The following ANO3 variants were observed in gnomAD, a reference collection of about 807,000 sequenced individuals.
ANO3 encodes anoctamin 3.
ANO3 carries 99 observed loss-of-function variants against 144.8 expected under a neutral mutation model. The ratio of observed to expected loss-of-function variants is 0.68; its 90% CI spans 0.58 to 0.81. The LOEUF (loss-of-function observed/expected upper bound fraction) is 0.81, where lower values mean the gene tolerates loss of function less well. ANO3 is among the 30% of genes least tolerant of loss of function. The pLI is 0.00. For synonymous variants in ANO3, 414 were observed against 392.6 expected, an observed-to-expected ratio of 1.05 and a Z score of -0.64; for missense variants, 905 against 1,202.2, an observed-to-expected ratio of 0.75 and a Z score of 3.66.
intron 7 of ANO3, among the ~76,000 whole-genome samples, chr11:26,527,148 T>C (rs1849183699): frequency 6.6e-6 from 1 of 152,126 alleles, no homozygotes; most frequent in Non-Finnish European, 1.5e-5. Flanking sequence ...TCTGTTTATA[T>C]ATAAAGCTAT....
chr11:26,381,129 C>G (rs932095160), intron 1 of ANO3, among the ~76,000 whole-genome samples: 2 of 152,080 alleles, frequency 1.3e-5, no homozygotes, highest in Non-Finnish European at 2.9e-5. Flanking sequence ...TTGTGAAAAC[C>G]AAAGCCTAAT....
chr11:26,626,533 C>A (rs1214585510), intron 18 of ANO3, among the ~76,000 whole-genome samples: 1 of 152,160 alleles, frequency 6.6e-6, no homozygotes, highest in East Asian at 1.9e-4. Context: ...AAGAGCAAGA[C>A]CTTGGCATGA....
Position 26,559,706 on chromosome 11 carries a change from GT to G in ANO3, c.1387-9del, listed in dbSNP as rs1850205835. ...ATTTGCATGACTAATATTTCTGTTT[GT>G]TTTCTACTCAGGTGACATATTTGTT... On this transcript the variant is annotated splice_polypyrimidine_tract_variant and intron_variant, in intron 13 of 26. Transcript: ENST00000256737. 1 of 1,604,020 alleles carries G rather than the reference GT, an allele frequency of 6.2e-7. No homozygotes were observed. The highest frequency in any genetic ancestry group is 2.2e-5 in the East Asian group (1 of 44,762).
chr11:26,269,006 A>T (rs1853378156), intron 1 of ANO3, among the ~76,000 whole-genome samples: 1 of 152,166 alleles, frequency 6.6e-6, no homozygotes, highest in East Asian at 1.9e-4. Context: ...ACTCAGAAAC[A>T]TTGAGTTATT....
chr11:26,570,101 A>G (rs1014159523), intron 14 of ANO3, among the ~76,000 whole-genome samples: 24 of 152,122 alleles, frequency 1.6e-4, no homozygotes, highest in African/African-American at 5.1e-4. Context: ...TACCTTAAAT[A>G]CAGATTCTAA....
intron 1 of ANO3, among the ~76,000 whole-genome samples, chr11:26,234,810 A>G (rs1852479317): frequency 6.9e-6 from 1 of 145,536 alleles, no homozygotes; most frequent in South Asian, 2.2e-4. Context: ...TATTATAAGG[A>G]ATTGGCTTAC....
intron 11 of ANO3, among the ~76,000 whole-genome samples, chr11:26,543,397 A>G (rs1026244672): frequency 2.0e-5 from 3 of 152,082 alleles, no homozygotes; most frequent in African/African-American, 7.2e-5. Context: ...AATGAAAGGA[A>G]AAAAGTAGAA....
chr11:26,366,343 C>T lies in ANO3; in HGVS notation c.46+34022C>T, dbSNP rs1474358609. On this transcript the variant is annotated intron_variant, in intron 1 of 26. Coordinates refer to ENST00000256737, the MANE Select transcript of ANO3 (RefSeq NM_031418.4). ...ATGAACTCATCATTTTTTATGGCTG[C>T]ATAGTATTCCATGGTGTATATGTGC... Among the ~76,000 whole-genome samples the T allele has an allele frequency of 3.3e-5, 5 of 152,258 alleles. No homozygotes were observed. The East Asian group carries it at 7.7e-4, about 24-fold the overall frequency.
intron 1 of ANO3, among the ~76,000 whole-genome samples, chr11:26,400,877 C>CAT (rs1428446995): frequency 8.6e-5 from 13 of 151,176 alleles, no homozygotes; most frequent in South Asian, 8.3e-4. Flanking sequence ...CACACACAAA[C>CAT]ATATATATAT....
chr11:26,255,260 T>A (rs1359858975), intron 1 of ANO3, among the ~76,000 whole-genome samples: 1 of 152,196 alleles, frequency 6.6e-6, no homozygotes, highest in Admixed American at 6.6e-5. Flanking sequence ...TTTCTCCATC[T>A]GATGTTATTT....
intron 1 of ANO3, among the ~76,000 whole-genome samples, chr11:26,402,895 T>G (rs780496902): frequency 3.1e-4 from 47 of 152,096 alleles, no homozygotes; most frequent in Middle Eastern, 3.4e-3. Flanking sequence ...TTTCTTTTCT[T>G]GCAACTCTTA....
At chr11:26,199,376 A>G (rs1391693783) in intron 1 of ANO3, among the ~76,000 whole-genome samples, 2 of 152,134 alleles carry the variant, frequency 1.3e-5, no homozygotes, top group Non-Finnish European at 2.9e-5. Flanking sequence ...GGAGCTGCTT[A>G]ATCTTGGGCT....
At chr11:26,470,198 C>T in intron 4 of ANO3, among the ~76,000 whole-genome samples, 1 of 151,442 alleles carries the variant, frequency 6.6e-6, no homozygotes, top group East Asian at 2.0e-4. Flanking sequence ...GAGTGTGAGC[C>T]CAGGAGTTTG....
chr11:26,320,613 T>G (rs1249744021), intron 1 of ANO3, among the ~76,000 whole-genome samples: 2 of 152,176 alleles, frequency 1.3e-5, no homozygotes, highest in Non-Finnish European at 2.9e-5. Context: ...TGTCTAATAG[T>G]TTACTTTTAT....
upstream of ANO3, among the ~76,000 whole-genome samples, chr11:26,327,910 G>A (rs756734122): frequency 6.6e-6 from 1 of 152,136 alleles, no homozygotes; most frequent in Admixed American, 6.5e-5. Flanking sequence ...TTTCAGCAGG[G>A]TTCTAAGATA....
chr11:26,315,539 A>G (rs1037586024), intron 1 of ANO3, among the ~76,000 whole-genome samples: 2 of 152,198 alleles, frequency 1.3e-5, no homozygotes, highest in African/African-American at 4.8e-5. Flanking sequence ...ATAAAATTAG[A>G]AAGAATTGAC....
intron 1 of ANO3, among the ~76,000 whole-genome samples, chr11:26,272,155 A>G (rs1164295837): frequency 2.0e-5 from 3 of 152,058 alleles, no homozygotes; most frequent in Non-Finnish European, 4.4e-5. Flanking sequence ...CATCGCTTTC[A>G]TCATATTTAC....
intron 3 of ANO3, among the ~76,000 whole-genome samples, chr11:26,453,626 T>C (rs1257019108): frequency 1.3e-5 from 2 of 152,036 alleles, no homozygotes; most frequent in Non-Finnish European, 2.9e-5. Context: ...CACACATTAA[T>C]AATGGGAGAC....
chr11:26,471,947 A>G (rs1001498084), intron 4 of ANO3, among the ~76,000 whole-genome samples: 10 of 151,974 alleles, frequency 6.6e-5, no homozygotes, highest in African/African-American at 1.9e-4. Context: ...TTTGGAAGAT[A>G]TATCTCCTAA....
Sources: gnomAD v4.1 joint callset for allele counts (sites outside exome capture counted in the v4.1 genomes callset) on GRCh38, gnomAD v4.1.1 for gene constraint, MANE v1.5 for transcripts, NCBI Gene and HGNC (gene_info 2026-07-23, HGNC 2026-07-21) for gene names.